The following RYR2 variants were observed in gnomAD, a reference collection of about 807,000 sequenced individuals.
The protein encoded by RYR2 is cardiac muscle ryanodine receptor-calcium release channel.
RYR2 carries 227 observed loss-of-function variants against 601.1 expected under a neutral mutation model. That is an observed-to-expected ratio of 0.38 (90% CI 0.34 to 0.42). The LOEUF is 0.42. Ranked by LOEUF, RYR2 falls within the 10% of genes least tolerant of loss-of-function variation. The probability of loss-of-function intolerance (pLI) is 1.00; values close to 1 mark genes in which losing one functional copy is unlikely to be tolerated. For synonymous variants in RYR2, 2,223 were observed against 2,175.1 expected, an observed-to-expected ratio of 1.02 and a Z score of -0.61; for missense variants, 4,646 against 6,156.5, an observed-to-expected ratio of 0.75 and a Z score of 8.21.
chr1:237,653,958 G>A (rs1420308540), intron 51 of RYR2, among the ~76,000 whole-genome samples: 3 of 152,276 alleles, frequency 2.0e-5, no homozygotes, highest in Non-Finnish European at 2.9e-5. Context: ...ATTAGATGGT[G>A]CCCACCCAGA....
At chr1:237,481,954 C>A (rs189039954) in intron 17 of RYR2, among the ~76,000 whole-genome samples, 24 of 151,594 alleles carry the variant, frequency 1.6e-4, no homozygotes, top group African/African-American at 4.6e-4. Context: ...ATGTTGGTTT[C>A]GTAAGAAGAC....
intron 1 of RYR2, among the ~76,000 whole-genome samples, chr1:237,254,665 T>C (rs1406945463): frequency 2.0e-5 from 3 of 152,224 alleles, no homozygotes; most frequent in African/African-American, 7.2e-5. Flanking sequence ...ACCAATCTGT[T>C]ATGTGTACTC....
intron 61 of RYR2, among the ~76,000 whole-genome samples, chr1:237,679,021 T>C (rs1254824233): frequency 2.0e-5 from 3 of 152,230 alleles, no homozygotes; most frequent in African/African-American, 4.8e-5. Flanking sequence ...GTAAAACACA[T>C]TTCTGTTGTC....
rs397983391 is a variant in RYR2 at position 237,314,063 on chromosome 1, C to CTT, written c.169-16797_169-16796dup. The stretch of plus-strand genomic sequence containing the variant: ...AAGCTTTGTGTTTCAACATGAATTT[C>CTT]TTTTTTTTTTTTTTTTTTTGAGATG... On this transcript the variant is annotated intron_variant, in intron 2 of 104. Transcript: ENST00000366574. Among the ~76,000 whole-genome samples the CTT allele has an allele frequency of 9.1e-3, 746 of 82,354 alleles. 35 individuals carry two copies. The highest frequency in any genetic ancestry group is 0.029 in the Middle Eastern group (2 of 68). The allele number at this position is 82,354 out of a possible 152,430, so 54.0% of individuals were successfully genotyped here. A position where few individuals can be genotyped will look rare whatever the true frequency, so the allele number is the denominator to read the frequency against.
chr1:237,440,810 A>G (rs1315112110), intron 12 of RYR2, among the ~76,000 whole-genome samples: 4 of 151,898 alleles, frequency 2.6e-5, no homozygotes, highest in Non-Finnish European at 5.9e-5. Context: ...TCTGAAATCT[A>G]CATGCATTAT....
At position 237,448,484 on chromosome 1, in the gene RYR2, G is replaced by A. The variant is rs115584167; in HGVS notation, c.1292+2962G>A. 3.3e-3 allele frequency among the ~76,000 whole-genome samples: 508 copies of A among 152,216 alleles called. 4 individuals carry two copies. Among genetic ancestry groups the A allele is most frequent in the African/African-American group, 0.012 (481 of 41,534 alleles). On this transcript the variant is annotated intron_variant, in intron 14 of 104. Transcript: ENST00000366574. The stretch of plus-strand genomic sequence containing the variant: ...AGAATGTGCATTCTCCTCTTGTTGG[G>A]TCGTGTTCAAAAGTGTCAATTTAGT...
intron 103 of RYR2, 29 bp from the exon 104 acceptor site, chr1:237,831,485 A>C (rs1452982387): frequency 1.6e-5 from 21 of 1,289,664 alleles, no homozygotes; most frequent in Non-Finnish European, 2.4e-5. Context: ...CATACCGTTC[A>C]TTTCTGATCA....
chr1:237,102,399 T>G (rs1445672345), intron 1 of RYR2, among the ~76,000 whole-genome samples: 2 of 152,202 alleles, frequency 1.3e-5, no homozygotes, highest in African/African-American at 4.8e-5. Flanking sequence ...GTCCTCTTGT[T>G]GAATGCCTCT....
intron 29 of RYR2, among the ~76,000 whole-genome samples, chr1:237,577,551 T>TAGAGAGA (rs1673397419): frequency 3.1e-5 from 4 of 129,514 alleles, no homozygotes; most frequent in Non-Finnish European, 7.0e-5. Context: ...TGTGTGTGTT[T>TAGAGAGA]GAGAGAGAGA....
chr1:237,798,824 TATAC>T (rs1659603365), intron 97 of RYR2, among the ~76,000 whole-genome samples: 1 of 148,512 alleles, frequency 6.7e-6, no homozygotes, highest in African/African-American at 2.5e-5. Flanking sequence ...TGTACAGATA[TATAC>T]ATACATCCAT....
chr1:237,806,522 A>G (rs981214375), intron 99 of RYR2, among the ~76,000 whole-genome samples: 5 of 152,206 alleles, frequency 3.3e-5, no homozygotes, highest in African/African-American at 1.2e-4. Context: ...ATACCTTACC[A>G]GATTTTTGCG....
intron 1 of RYR2, among the ~76,000 whole-genome samples, chr1:237,167,574 T>G (rs1272638625): frequency 6.6e-6 from 1 of 152,192 alleles, no homozygotes; most frequent in Admixed American, 6.5e-5. Context: ...AAATAGTAGT[T>G]TTCTCTAAAT....
intron 93 of RYR2, chr1:237,791,738 G>C (rs1049967807): frequency 3.5e-6 from 2 of 571,350 alleles, no homozygotes; most frequent in Non-Finnish European, 6.2e-6. Flanking sequence ...ATTTAGCAGA[G>C]GGCTTCCCCA....
intron 1 of RYR2, among the ~76,000 whole-genome samples, chr1:237,192,311 C>T (rs754232074): frequency 2.0e-5 from 3 of 152,104 alleles, no homozygotes; most frequent in Admixed American, 6.5e-5. Flanking sequence ...TGGGTTCAAG[C>T]GATTCTCCTG....
chr1:237,612,335 C>T (rs1677970920), intron 36 of RYR2, among the ~76,000 whole-genome samples: 1 of 152,002 alleles, frequency 6.6e-6, no homozygotes, highest in Non-Finnish European at 1.5e-5. Context: ...TAAAAGTGTT[C>T]TAAACTCAAC....
At chr1:237,043,641 C>T (rs910808523) in intron 1 of RYR2, among the ~76,000 whole-genome samples, 68 of 152,186 alleles carry the variant, frequency 4.5e-4, no homozygotes, top group African/African-American at 1.6e-3. Context: ...TCCTTCTCCA[C>T]TTCTGTCCTC....
At chr1:237,792,813 G>A (rs1057452305) in intron 94 of RYR2, among the ~76,000 whole-genome samples, 1 of 152,214 alleles carries the variant, frequency 6.6e-6, no homozygotes, top group East Asian at 1.9e-4. Flanking sequence ...GTAATGCAGT[G>A]ATACTTGGTG....
At chr1:237,119,907 C>G (rs73117619) in intron 1 of RYR2, among the ~76,000 whole-genome samples, 1 of 152,112 alleles carries the variant, frequency 6.6e-6, no homozygotes, top group Non-Finnish European at 1.5e-5. Context: ...AAGTGATAAA[C>G]GAGTTATCCC....
At chr1:237,776,214 G>A (rs529964711) in intron 87 of RYR2, among the ~76,000 whole-genome samples, 1 of 152,122 alleles carries the variant, frequency 6.6e-6, no homozygotes, top group Non-Finnish European at 1.5e-5. Context: ...TCGACCACAG[G>A]AAAATCCTAA....
Sources: gnomAD v4.1 joint callset for allele counts (sites outside exome capture counted in the v4.1 genomes callset) on GRCh38, gnomAD v4.1.1 for gene constraint, MANE v1.5 for transcripts, NCBI Gene and HGNC (gene_info 2026-07-23, HGNC 2026-07-21) for gene names.